Variants in NCS1 observed in about 807,000 individuals in gnomAD.
NCS1 encodes the protein frequenin homolog.
NCS1 carries 6 observed loss-of-function variants against 28.4 expected under a neutral mutation model. That is an observed-to-expected ratio of 0.21 (90% CI 0.12 to 0.42). The LOEUF is 0.42. NCS1 is among the 10% of genes least tolerant of loss of function. NCS1 has a pLI of 1.00. For synonymous variants in NCS1, 86 were observed against 99.3 expected, an observed-to-expected ratio of 0.87 and a Z score of 0.79; for missense variants, 131 against 241.4, an observed-to-expected ratio of 0.54 and a Z score of 3.03.
intron 4 of NCS1, among the ~76,000 whole-genome samples, chr9:130,220,727 C>T (rs1412850433): frequency 1.3e-5 from 2 of 151,674 alleles, no homozygotes; most frequent in Non-Finnish European, 2.9e-5. Flanking sequence ...GAAGACCCTG[C>T]AGTTTCTTTT....
At chr9:130,207,038 T>A (rs1425093943) in intron 2 of NCS1, among the ~76,000 whole-genome samples, 1 of 152,184 alleles carries the variant, frequency 6.6e-6, no homozygotes, top group Non-Finnish European at 1.5e-5. Flanking sequence ...CTAGCCCTCT[T>A]GTTCCCTTGC....
intron 6 of NCS1, among the ~76,000 whole-genome samples, chr9:130,225,008 G>A (rs908183469): frequency 3.9e-5 from 6 of 152,098 alleles, no homozygotes; most frequent in Non-Finnish European, 5.9e-5. Flanking sequence ...CCTGGGCAAC[G>A]TGATGAAACC....
At chr9:130,216,116 C>A (rs1317322449) in intron 2 of NCS1, among the ~76,000 whole-genome samples, 3 of 152,206 alleles carry the variant, frequency 2.0e-5, no homozygotes, top group African/African-American at 7.2e-5. Flanking sequence ...TTAGATTCCT[C>A]TTCATTGGGG....
intron 7 of NCS1, among the ~76,000 whole-genome samples, chr9:130,229,166 T>C (rs1355569361): frequency 1.3e-5 from 2 of 152,096 alleles, no homozygotes; most frequent in Admixed American, 6.6e-5. Context: ...TTTAAAAGAA[T>C]TGAACACTTA....
intron 1 of NCS1, among the ~76,000 whole-genome samples, chr9:130,187,603 C>A (rs1490001898): frequency 1.3e-5 from 2 of 152,212 alleles, no homozygotes; most frequent in African/African-American, 2.4e-5. Context: ...GGAAGCAGAT[C>A]CACTGCATTC....
At chr9:130,185,436 G>A (rs545428951) in intron 1 of NCS1, among the ~76,000 whole-genome samples, 70 of 152,304 alleles carry the variant, frequency 4.6e-4, no homozygotes, top group African/African-American at 1.7e-3. Context: ...TGGGCTGGGG[G>A]AGGGGGGTTT....
chr9:130,230,226 C>T (rs1833481871), intron 7 of NCS1, among the ~76,000 whole-genome samples: 1 of 152,140 alleles, frequency 6.6e-6, no homozygotes, highest in South Asian at 2.1e-4. Flanking sequence ...TGGCGGGCAC[C>T]TGTAATCCCA....
At position 130,172,722 on chromosome 9, in the gene NCS1, C is replaced by T; in HGVS notation, c.59C>T (p.Thr20Ile). Residue 20 changes from threonine to isoleucine, a missense_variant, in exon 1 of 8, where the codon ACC (threonine) becomes ATC (isoleucine). By Grantham distance (89) the Thr-to-Ile change is moderately conservative (BLOSUM62 -1). This residue lies in a region of NCS1 where 31 missense variants were observed against 31.1 expected (regional missense o/e 1.00). Coordinates refer to ENST00000372398, the MANE Select transcript of NCS1 (RefSeq NM_014286.4). ...GTTGTGGAGGAGCTGACCAGGAAGA[C>T]CTACTGTGAGTGCTCCCAGCCCCCA... The part of the protein sequence containing the change: ...PEVVEELTRK[T>I]YFTEKEVQQW... 1 of 1,513,384 alleles carries T rather than the reference C, an allele frequency of 6.6e-7. No homozygotes were observed. The highest frequency in any genetic ancestry group is 8.9e-7 in the Non-Finnish European group (1 of 1,125,634). The allele number at this position is 1,513,384 out of a possible 1,614,324, so 93.7% of individuals were successfully genotyped here.
chr9:130,181,720 G>A lies in NCS1; in HGVS notation c.64+8993G>A, dbSNP rs893939731. On this transcript the variant is annotated intron_variant, in intron 1 of 7. Transcript: ENST00000372398. This position sits in a 1 kb window ranked among gnomAD's most constrained non-coding sequence, Gnocchi z 5.0. Reference sequence around the variant, plus strand: ...TGGAGGTGTGCAGGTGAGCGTGAGCGGGCCCGGGTGCCTGGTGTGGGTGTT... The same window carrying A: ...TGGAGGTGTGCAGGTGAGCGTGAGCAGGCCCGGGTGCCTGGTGTGGGTGTT... Among the ~76,000 whole-genome samples, 10 of 152,244 alleles carry A rather than the reference G, an allele frequency of 6.6e-5. No homozygotes were observed. Among genetic ancestry groups the A allele is most frequent in the Admixed American group, 6.5e-4 (10 of 15,298 alleles).
chr9:130,184,749 TC>T (rs1257266628), intron 1 of NCS1, among the ~76,000 whole-genome samples: 1 of 151,670 alleles, frequency 6.6e-6, no homozygotes, highest in Non-Finnish European at 1.5e-5. Flanking sequence ...TGCCTCAGCC[TC>T]CCAAGTAGCT....
chr9:130,201,332 G>T lies in NCS1; in HGVS notation c.89+350G>T, dbSNP rs1475533635. ...TGACCTTGAGAGGTCCTTTCCCCTC[G>T]CTGGGGCTCCGTCACCCCTTCTATA... On this transcript the variant is annotated intron_variant, in intron 2 of 7. Coordinates refer to ENST00000372398, the MANE Select transcript of NCS1 (RefSeq NM_014286.4). Among the ~76,000 whole-genome samples, 4 of 152,152 alleles carry T rather than the reference G, an allele frequency of 2.6e-5. No individual in the cohort carries two copies. In the East Asian group the frequency reaches 7.7e-4, roughly 29 times the overall value.
At chr9:130,212,768 G>C (rs887290897) in intron 2 of NCS1, among the ~76,000 whole-genome samples, 5 of 151,972 alleles carry the variant, frequency 3.3e-5, no homozygotes, top group Non-Finnish European at 7.4e-5. Flanking sequence ...AAATTCTTGG[G>C]CATGATCTTC....
At position 130,233,797 on chromosome 9, in the gene NCS1, AT is replaced by A. The variant is rs1329977994; in HGVS notation, c.*837del. On this transcript the variant is annotated 3_prime_UTR_variant, in exon 8 of 8. Transcript: ENST00000372398. This position sits in a 1 kb window ranked among gnomAD's most constrained non-coding sequence, Gnocchi z 4.8. The stretch of plus-strand genomic sequence containing the variant: ...TGCAGCGGCCAAGAAGCCAAAAAAA[AT>A]TTTTTTTTTTTCAGATACTGTGCTT... 9.5e-4 allele frequency: 141 copies of A among 148,256 alleles called. No homozygotes were observed. The highest frequency in any genetic ancestry group is 1.5e-3 in the Non-Finnish European group (100 of 66,608). 9.2% of individuals were successfully genotyped at this position (148,256 alleles called of 1,614,324 possible). A position where few individuals can be genotyped will look rare whatever the true frequency, so the allele number is the denominator to read the frequency against.
intron 1 of NCS1, among the ~76,000 whole-genome samples, chr9:130,174,640 C>T (rs926657736): frequency 1.8e-4 from 27 of 152,102 alleles, no homozygotes; most frequent in African/African-American, 2.9e-4. Flanking sequence ...GAGAAACCCC[C>T]ATCTCTACTA....
intron 4 of NCS1, among the ~76,000 whole-genome samples, chr9:130,220,226 C>G (rs1243718769): frequency 6.6e-6 from 1 of 152,218 alleles, no homozygotes; most frequent in East Asian, 1.9e-4. Flanking sequence ...CCACCTCTTT[C>G]ATAGCCATTG....
chr9:130,198,216 C>A (rs933938422), intron 1 of NCS1, among the ~76,000 whole-genome samples: 5 of 152,192 alleles, frequency 3.3e-5, no homozygotes, highest in Non-Finnish European at 7.3e-5. Flanking sequence ...GTCATATGCC[C>A]TTCTCCCACC....
At chr9:130,195,435 G>A (rs1281480729) in intron 1 of NCS1, among the ~76,000 whole-genome samples, 1 of 142,898 alleles carries the variant, frequency 7.0e-6, no homozygotes, top group South Asian at 2.2e-4. Flanking sequence ...GCTGGGCTTT[G>A]TTTTTTTTTT....
intron 2 of NCS1, among the ~76,000 whole-genome samples, chr9:130,217,066 C>T (rs1465468104): frequency 1.3e-5 from 2 of 152,166 alleles, no homozygotes; most frequent in African/African-American, 4.8e-5. Flanking sequence ...CCCCTGATAC[C>T]AACAAGAGGG....
At chr9:130,206,712 G>A (rs1329620012) in intron 2 of NCS1, among the ~76,000 whole-genome samples, 1 of 151,984 alleles carries the variant, frequency 6.6e-6, no homozygotes, top group Non-Finnish European at 1.5e-5. Context: ...GCCCGGCCCC[G>A]TTCTTGTTCT....
Sources: allele counts gnomAD v4.1 joint callset (sites outside exome capture counted in the v4.1 genomes callset), GRCh38; gene constraint gnomAD v4.1.1; regional missense constraint gnomAD v4.1.1; non-coding constraint Gnocchi (gnomAD v3.1); transcripts MANE v1.5; gene names NCBI Gene and HGNC (gene_info 2026-07-23, HGNC 2026-07-21).